ADAMTS6: variants seen among roughly 807,000 people sequenced by gnomAD.
ADAMTS6 encodes the protein A disintegrin and metalloproteinase with thrombospondin motifs 6.
In ADAMTS6, 23 loss-of-function variants were observed where a neutral mutation model predicts 144.3. The ratio of observed to expected loss-of-function variants is 0.16; its 90% CI spans 0.11 to 0.23. ADAMTS6 has a LOEUF of 0.23. ADAMTS6 is among the 10% of genes least tolerant of loss of function. The probability of loss-of-function intolerance (pLI) is 1.00; values close to 1 mark genes in which losing one functional copy is unlikely to be tolerated. For synonymous variants in ADAMTS6, 444 were observed against 457.5 expected (o/e 0.97, Z 0.38); for missense variants, 999 against 1,379.6 (o/e 0.72, Z 4.37).
At chr5:65,227,372 T>G (rs1757804955) in intron 15 of ADAMTS6, among the ~76,000 whole-genome samples, 1 of 145,968 alleles carries the variant, frequency 6.9e-6, no homozygotes, top group Non-Finnish European at 1.5e-5. Context: ...GCAATAAATG[T>G]GGACTTGTTG....
intron 7 of ADAMTS6, among the ~76,000 whole-genome samples, chr5:65,438,100 A>G (rs2047064): frequency 0.61 from 92,612 of 152,142 alleles, 30,026 homozygotes; most frequent in African/African-American, 0.84. Context: ...CCAAAGGTAC[A>G]TAAGCCTAGA....
intron 18 of ADAMTS6, among the ~76,000 whole-genome samples, chr5:65,222,272 C>G (rs1757375727): frequency 6.6e-6 from 1 of 152,152 alleles, no homozygotes; most frequent in Non-Finnish European, 1.5e-5. Context: ...GGACAGAAAC[C>G]TAGATCAATG....
chr5:65,361,219 C>A (rs555563699), intron 7 of ADAMTS6, among the ~76,000 whole-genome samples: 4 of 152,084 alleles, frequency 2.6e-5, no homozygotes, highest in Non-Finnish European at 5.9e-5. Context: ...ATAGTTTAGA[C>A]AAACATGAAA....
At chr5:65,457,335 G>A (rs979385568) in intron 4 of ADAMTS6, among the ~76,000 whole-genome samples, 1 of 152,118 alleles carries the variant, frequency 6.6e-6, no homozygotes, top group Non-Finnish European at 1.5e-5. Context: ...TAGAGTTTGG[G>A]GTAGTAGAAA....
chr5:65,291,607 T>C, intron 10 of ADAMTS6, 137 bp from the exon 11 acceptor site: 1 of 889,288 alleles, frequency 1.1e-6, no homozygotes, highest in Non-Finnish European at 1.6e-6. Context: ...AATAATCACA[T>C]GGCAGAACAG....
chr5:65,221,305 G>A (rs776436535), intron 18 of ADAMTS6, among the ~76,000 whole-genome samples: 11 of 152,046 alleles, frequency 7.2e-5, no homozygotes, highest in Non-Finnish European at 1.5e-4. Flanking sequence ...ATGAAAAAGT[G>A]GTTTATATCC....
At chr5:65,203,788 A>G (rs931440916) in intron 20 of ADAMTS6, among the ~76,000 whole-genome samples, 1 of 152,036 alleles carries the variant, frequency 6.6e-6, no homozygotes, top group South Asian at 2.1e-4. Context: ...GTTTTTTCCA[A>G]AAGTATTTTA....
At chr5:65,241,960 T>C in intron 15 of ADAMTS6, 144 bp downstream of exon 15, 1 of 452,464 alleles carries the variant, frequency 2.2e-6, no homozygotes, top group South Asian at 7.2e-5. Flanking sequence ...TTTATAGTAC[T>C]ATAAGCATTT....
At chr5:65,334,004 A>AC in intron 8 of ADAMTS6, 38 bp downstream of exon 8, 2 of 1,187,888 alleles carry the variant, frequency 1.7e-6, no homozygotes, top group Non-Finnish European at 1.1e-6. Context: ...TATTAAAAAA[A>AC]AAAAAAAAAA....
chr5:65,397,447 T>A (rs1753441022), intron 7 of ADAMTS6, among the ~76,000 whole-genome samples: 2 of 151,758 alleles, frequency 1.3e-5, no homozygotes, highest in Non-Finnish European at 2.9e-5. Context: ...ATGCAACCAA[T>A]GTTATAAATT....
At chr5:65,410,257 A>T (rs1241878445) in intron 7 of ADAMTS6, among the ~76,000 whole-genome samples, 1 of 152,184 alleles carries the variant, frequency 6.6e-6, no homozygotes, top group African/African-American at 2.4e-5. Context: ...GAAAAATAAC[A>T]TTTCTTCATG....
chr5:65,357,837 G>A (rs116538327), intron 7 of ADAMTS6, among the ~76,000 whole-genome samples: 2 of 151,878 alleles, frequency 1.3e-5, no homozygotes, highest in Non-Finnish European at 3.0e-5. Context: ...GATCAAATCA[G>A]TAATCAAAAA....
chr5:65,479,146 G>A (rs893744837), intron 1 of ADAMTS6, among the ~76,000 whole-genome samples: 2 of 152,118 alleles, frequency 1.3e-5, no homozygotes, highest in Non-Finnish European at 2.9e-5. Context: ...GGTCTCCATG[G>A]AAGAAACAAC....
At chr5:65,424,610 C>T (rs1385010709) in intron 7 of ADAMTS6, among the ~76,000 whole-genome samples, 1 of 152,102 alleles carries the variant, frequency 6.6e-6, no homozygotes, top group African/African-American at 2.4e-5. Flanking sequence ...GAACATCTCA[C>T]TAATGATCCT....
intron 24 of ADAMTS6, among the ~76,000 whole-genome samples, chr5:65,169,616 G>T (rs1259921559): frequency 6.7e-6 from 1 of 149,340 alleles, no homozygotes; most frequent in Non-Finnish European, 1.5e-5. Context: ...ATTCAGAATA[G>T]CAAAGACTTG....
chr5:65,392,208 C>T (rs1580583165), intron 7 of ADAMTS6, among the ~76,000 whole-genome samples: 1 of 152,000 alleles, frequency 6.6e-6, no homozygotes, highest in South Asian at 2.1e-4. Context: ...ACTTTTATCA[C>T]CTGGTCAAGA....
chr5:65,247,997 G>A (rs1257682353), intron 14 of ADAMTS6, among the ~76,000 whole-genome samples: 1 of 152,114 alleles, frequency 6.6e-6, no homozygotes, highest in African/African-American at 2.4e-5. Context: ...AGCAAGTCAT[G>A]CACTTGACAA....
At chr5:65,406,764 A>G (rs1346323779) in intron 7 of ADAMTS6, among the ~76,000 whole-genome samples, 1 of 151,840 alleles carries the variant, frequency 6.6e-6, no homozygotes, top group Non-Finnish European at 1.5e-5. Context: ...TCAGTATAAT[A>G]TTGGCTGTGG....
chr5:65,276,018 G>C (rs1397427544), intron 11 of ADAMTS6, among the ~76,000 whole-genome samples: 3 of 97,798 alleles, frequency 3.1e-5, no homozygotes, highest in Non-Finnish European at 4.9e-5. Flanking sequence ...ACTAAGCGAT[G>C]AAAGTTCTAT....
Sources: allele counts gnomAD v4.1 joint callset (sites outside exome capture counted in the v4.1 genomes callset), GRCh38; gene constraint gnomAD v4.1.1; transcripts MANE v1.5; gene names NCBI Gene and HGNC (gene_info 2026-07-23, HGNC 2026-07-21).